Variants in GABRB1 observed in about 807,000 individuals in gnomAD.
The protein encoded by GABRB1 is gamma-aminobutyric acid type A receptor subunit beta1.
In GABRB1, 17 loss-of-function variants were observed where a neutral mutation model predicts 51.6. That is an observed-to-expected ratio of 0.33 (90% CI 0.23 to 0.49). GABRB1 has a LOEUF of 0.49. Among genes scored for constraint, GABRB1 ranks in the 20% least tolerant of loss-of-function variants. The probability of loss-of-function intolerance (pLI) is 0.99; values close to 1 mark genes in which losing one functional copy is unlikely to be tolerated. For missense variants in GABRB1, 410 were observed against 600.6 expected (o/e 0.68, Z 3.32); for synonymous variants, 247 against 218.9 (o/e 1.13, Z -1.14).
At chr4:47,358,276 G>T (rs1489439831) in intron 5 of GABRB1, among the ~76,000 whole-genome samples, 1 of 151,982 alleles carries the variant, frequency 6.6e-6, no homozygotes, top group African/African-American at 2.4e-5. Context: ...AACAGAACCA[G>T]TAGGATGTAT....
chr4:47,134,561 C>G (rs1231149826), intron 3 of GABRB1, among the ~76,000 whole-genome samples: 1 of 152,012 alleles, frequency 6.6e-6, no homozygotes, highest in Non-Finnish European at 1.5e-5. Context: ...CTTTGCTAAA[C>G]AATTGTATTA....
In GABRB1 at chr4:47,403,718, C is replaced by T. The variant is rs971782861; in HGVS notation, c.835+7C>T. 8.7e-6 allele frequency: 14 copies of T among 1,611,118 alleles called. No individual in the cohort carries two copies. The highest frequency in any genetic ancestry group is 1.2e-5 in the Non-Finnish European group (14 of 1,179,708). ...GCAGCCAGAGTCGCACTAGGTAATA[C>T]ATTCTCAGCACTGCAGAGAGCTAAC... On this transcript the variant is annotated splice_region_variant and intron_variant, in intron 7 of 8. Transcript: ENST00000295454.
chr4:47,341,584 C>A lies in GABRB1; in HGVS notation c.544+21375C>A, dbSNP rs1020544299. Among the ~76,000 whole-genome samples, 75 of 152,274 alleles carry A rather than the reference C, an allele frequency of 4.9e-4. 1 individual carries two copies. The highest frequency in any genetic ancestry group is 1.6e-3 in the African/African-American group (67 of 41,552). Reference sequence around the variant, plus strand: ...CTTCACTCAAATTAGTGTTCTTCTACAGTATCACACTGCCTGTTTCGTACT... The same window carrying A: ...CTTCACTCAAATTAGTGTTCTTCTAAAGTATCACACTGCCTGTTTCGTACT... On this transcript the variant is annotated intron_variant, in intron 5 of 8. Transcript: ENST00000295454.
chr4:47,391,151 G>A (rs2110038842), intron 5 of GABRB1, among the ~76,000 whole-genome samples: 1 of 152,174 alleles, frequency 6.6e-6, no homozygotes, highest in Non-Finnish European at 1.5e-5. Context: ...ACTCCAGCCT[G>A]GGCAAAAGAG....
intron 3 of GABRB1, among the ~76,000 whole-genome samples, chr4:47,057,977 C>T (rs540281959): frequency 6.6e-6 from 1 of 152,198 alleles, no homozygotes; most frequent in Non-Finnish European, 1.5e-5. Flanking sequence ...AGTAAACAGC[C>T]AAACTCTGAG....
chr4:47,106,375 C>G (rs527242864), intron 3 of GABRB1, among the ~76,000 whole-genome samples: 9 of 152,008 alleles, frequency 5.9e-5, no homozygotes, highest in African/African-American at 2.2e-4. Flanking sequence ...CCATCTTTAA[C>G]AACAGTCTGA....
chr4:47,221,959 C>A (rs1385615232), intron 4 of GABRB1, among the ~76,000 whole-genome samples: 1 of 152,092 alleles, frequency 6.6e-6, no homozygotes, highest in Non-Finnish European at 1.5e-5. Flanking sequence ...CACACCACAG[C>A]TTTCTGGTGC....
At chr4:47,224,614 G>T (rs1196960999) in intron 4 of GABRB1, among the ~76,000 whole-genome samples, 1 of 152,080 alleles carries the variant, frequency 6.6e-6, no homozygotes, top group Non-Finnish European at 1.5e-5. Context: ...AAGGGTGGAG[G>T]GTACTCTTGC....
chr4:47,170,778 G>A (rs1230675531), intron 4 of GABRB1, among the ~76,000 whole-genome samples: 1 of 152,094 alleles, frequency 6.6e-6, no homozygotes, highest in Non-Finnish European at 1.5e-5. Context: ...TAAAGAATAG[G>A]TAACTCAGTT....
At chr4:47,354,999 T>TTTTTC (rs1726510061) in intron 5 of GABRB1, among the ~76,000 whole-genome samples, 1 of 141,174 alleles carries the variant, frequency 7.1e-6, no homozygotes, top group Non-Finnish European at 1.5e-5. Context: ...TTTTTTTTTT[T>TTTTTC]TTTTTTGACA....
chr4:47,232,956 C>T (rs945803959), intron 4 of GABRB1, among the ~76,000 whole-genome samples: 6 of 151,382 alleles, frequency 4.0e-5, no homozygotes, highest in Non-Finnish European at 5.9e-5. Context: ...CTCACTGCAA[C>T]CTCCGCCTCC....
chr4:47,009,655 G>A (rs1328583442), intron 1 of GABRB1, among the ~76,000 whole-genome samples: 1 of 152,128 alleles, frequency 6.6e-6, no homozygotes, highest in Non-Finnish European at 1.5e-5. Flanking sequence ...ATACCATTGT[G>A]GATTATCTCC....
intron 4 of GABRB1, among the ~76,000 whole-genome samples, chr4:47,231,023 G>GTT (rs1721122346): frequency 1.3e-5 from 2 of 152,240 alleles, no homozygotes; most frequent in African/African-American, 4.8e-5. Flanking sequence ...ACACCTACTA[G>GTT]TTCAGTAAGA....
At position 47,032,435 on chromosome 4, in the gene GABRB1, G is replaced by A. The variant is rs1725362048; in HGVS notation, c.191G>A (p.Gly64Glu). 6.3e-7 allele frequency: 1 copy of A among 1,595,200 alleles called. No homozygotes were observed. The highest frequency in any genetic ancestry group is 8.6e-7 in the Non-Finnish European group (1 of 1,167,634). The change falls in exon 3 of 9, where the codon GGG (glycine) becomes GAG (glutamate). Residue 64 changes from glycine to glutamate, a missense_variant. Coordinates refer to ENST00000295454, the MANE Select transcript of GABRB1 (RefSeq NM_000812.4). ...CCGGCAGGGCCCCCCGTCGACGTTG[G>A]GATGCGGATCGATGTCGCCAGCATA... ...PDFGGPPVDV[G>E]MRIDVASIDM...
chr4:47,267,976 A>T (rs1052735267), intron 4 of GABRB1, among the ~76,000 whole-genome samples: 9 of 152,174 alleles, frequency 5.9e-5, no homozygotes, highest in African/African-American at 1.9e-4. Flanking sequence ...AAGATAAAAA[A>T]ATTTCAGAGA....
chr4:47,235,752 T>G (rs1308430242), intron 4 of GABRB1, among the ~76,000 whole-genome samples: 1 of 152,128 alleles, frequency 6.6e-6, no homozygotes, highest in African/African-American at 2.4e-5. Flanking sequence ...TATTTGAATA[T>G]TCTAGTCTAG....
intron 1 of GABRB1, among the ~76,000 whole-genome samples, chr4:46,996,070 G>GTTT (rs35038999): frequency 1.4e-5 from 2 of 140,008 alleles, no homozygotes; most frequent in Non-Finnish European, 1.6e-5. Context: ...CTAACTTGAG[G>GTTT]TTTTTTTTTT....
At chr4:47,066,867 G>A (rs560559312) in intron 3 of GABRB1, among the ~76,000 whole-genome samples, 1 of 152,240 alleles carries the variant, frequency 6.6e-6, no homozygotes, top group South Asian at 2.1e-4. Context: ...ATCTAGAATG[G>A]TGAATCCTTT....
chr4:47,186,046 T>C (rs1017777444), intron 4 of GABRB1, among the ~76,000 whole-genome samples: 8 of 151,926 alleles, frequency 5.3e-5, no homozygotes, highest in Admixed American at 4.6e-4. Context: ...ATATATAGCT[T>C]TTGCCAGAAG....
Sources: allele counts gnomAD v4.1 joint callset (sites outside exome capture counted in the v4.1 genomes callset), GRCh38; gene constraint gnomAD v4.1.1; transcripts MANE v1.5; gene names NCBI Gene and HGNC (gene_info 2026-07-23, HGNC 2026-07-21).